CDC7: variants seen among roughly 807,000 people sequenced by gnomAD.
CDC7 encodes cell division cycle 7.
In CDC7, 34 loss-of-function variants were observed where a neutral mutation model predicts 53.5. That is an observed-to-expected ratio of 0.64 (90% CI 0.48 to 0.85). The LOEUF (loss-of-function observed/expected upper bound fraction) is 0.85. Among genes scored for constraint, CDC7 ranks in the 40% least tolerant of loss-of-function variants. The pLI, the probability that CDC7 is intolerant of heterozygous loss-of-function variation, is 0.00. For missense variants in CDC7, 594 were observed against 679.7 expected, an observed-to-expected ratio of 0.87 and a Z score of 1.40; for synonymous variants, 211 against 222.8, an observed-to-expected ratio of 0.95 and a Z score of 0.47.
At position 91,524,592 on chromosome 1, in the gene CDC7, A is replaced by G. The variant is rs1291936517; in HGVS notation, c.*157A>G. ...ACATTCTAAAATATAGATTAAGAAT[A>G]CTTAAAATGCCTGGGATAGTTCTTG... On this transcript the variant is annotated 3_prime_UTR_variant, in exon 12 of 12. Transcript: ENST00000234626. 5 of 608,600 alleles carry G rather than the reference A, an allele frequency of 8.2e-6. No individual in the cohort carries two copies. The highest frequency in any genetic ancestry group is 1.4e-5 in the Non-Finnish European group (5 of 356,990). 37.7% of individuals were successfully genotyped at this position (608,600 alleles called of 1,614,324 possible).
intron 6 of CDC7, 126 bp from the exon 7 acceptor site, chr1:91,512,932 A>G (rs1273958865): frequency 1.3e-6 from 1 of 779,182 alleles, no homozygotes; most frequent in Admixed American, 3.0e-5. Flanking sequence ...TTTTTCCAGA[A>G]TGTTATAAAT....
chr1:91,517,260 T>G lies in CDC7; in HGVS notation c.1180+1384T>G, dbSNP rs190226166. Among the ~76,000 whole-genome samples the G allele has an allele frequency of 2.6e-5, 4 of 152,204 alleles. No homozygotes were observed. In the East Asian group the frequency reaches 7.7e-4, roughly 29 times the overall value. The stretch of plus-strand genomic sequence containing the variant: ...TCATTCTGGCAGGCGTGCAAACAGA[T>G]TAGCTTTTGGAGAGTGGTGGCATGA... On this transcript the variant is annotated intron_variant, in intron 10 of 11. Coordinates refer to ENST00000234626, the MANE Select transcript of CDC7 (RefSeq NM_003503.4).
intron 9 of CDC7, 39 bp from the exon 10 acceptor site, chr1:91,515,755 A>G: frequency 6.2e-7 from 1 of 1,608,936 alleles, no homozygotes; most frequent in Non-Finnish European, 8.5e-7. Context: ...TACATAGTTC[A>G]ACTTTAACAT....
At chr1:91,522,252 A>G (rs1667990902) in intron 11 of CDC7, among the ~76,000 whole-genome samples, 1 of 152,202 alleles carries the variant, frequency 6.6e-6, no homozygotes, top group Admixed American at 6.5e-5. Context: ...TGATCTTACT[A>G]TAACTTTGGA....
chr1:91,514,061 A>C lies in CDC7; in HGVS notation c.918+18A>C. 6.8e-7 allele frequency: 1 copy of C among 1,466,766 alleles called. No homozygotes were observed. Among genetic ancestry groups the C allele is most frequent in the Non-Finnish European group, 9.6e-7 (1 of 1,046,804 alleles). 90.9% of individuals were successfully genotyped at this position (1,466,766 alleles called of 1,614,324 possible). A position where few individuals can be genotyped will look rare whatever the true frequency, so the allele number is the denominator to read the frequency against. ...CAGTGAAAGTAAGTAATGTAGCTTAATAGCATAATGGTCAGTCAGTCATAC... is the reference window on the plus strand; with the variant it reads ...CAGTGAAAGTAAGTAATGTAGCTTACTAGCATAATGGTCAGTCAGTCATAC... On this transcript the variant is annotated intron_variant, in intron 8 of 11. Transcript: ENST00000234626.
intron 4 of CDC7, among the ~76,000 whole-genome samples, chr1:91,508,732 C>T (rs375076767): frequency 7.2e-5 from 11 of 152,170 alleles, no homozygotes; most frequent in African/African-American, 2.2e-4. Flanking sequence ...CAGCTATTGA[C>T]GACCTCATCT....
intron 10 of CDC7, among the ~76,000 whole-genome samples, chr1:91,519,501 C>T (rs1667799092): frequency 6.6e-6 from 1 of 152,034 alleles, no homozygotes; most frequent in African/African-American, 2.4e-5. Flanking sequence ...GGAATGGATA[C>T]CCTGTTTTCC....
In CDC7 at chr1:91,524,161, C is replaced by G. The variant is rs575030666; in HGVS notation, c.1451C>G (p.Ser484Cys). 9 of 1,614,054 alleles carry G rather than the reference C, an allele frequency of 5.6e-6. No individual in the cohort carries two copies. In the South Asian group the frequency reaches 9.9e-5, roughly 18 times the overall value. ...KLTSDIQGHA[S>C]HQPAISEKTD... ...ACAAGTGATATACAAGGGCATGCTT[C>G]TCATCAACCAGCTATTTCAGAGAAG... Residue 484 changes from serine (S) to cysteine (C), a missense_variant, in exon 12 of 12, where the codon TCT becomes TGT. Ser to Cys is a moderately radical substitution (Grantham distance 112). Transcript: ENST00000234626.
At chr1:91,515,042 T>A in intron 9 of CDC7, 45 bp downstream of exon 9, 3 of 1,547,388 alleles carry the variant, frequency 1.9e-6, no homozygotes, top group Non-Finnish European at 2.7e-6. Context: ...CATGCTGCCA[T>A]TAGAAATTGC....
intron 2 of CDC7, among the ~76,000 whole-genome samples, chr1:91,504,912 CAG>C (rs1345644903): frequency 2.0e-5 from 3 of 151,982 alleles, no homozygotes; most frequent in Admixed American, 6.5e-5. Context: ...AACCATAAAA[CAG>C]AAATTAACAC....
chr1:91,523,425 G>A (rs1335529757), intron 11 of CDC7, among the ~76,000 whole-genome samples: 1 of 152,098 alleles, frequency 6.6e-6, no homozygotes, highest in African/African-American at 2.4e-5. Context: ...GGGTTTGGGG[G>A]GTTCAAAGAT....
chr1:91,520,405 T>A, intron 11 of CDC7, 126 bp downstream of exon 11: 2 of 736,800 alleles, frequency 2.7e-6, no homozygotes, highest in Non-Finnish European at 4.1e-6. Flanking sequence ...TCTCTAATAT[T>A]AAGTAGAAAA....
At position 91,511,940 on chromosome 1, in the gene CDC7, A is replaced by C. The variant is rs1270499109; in HGVS notation, c.572+17A>C. 2.0e-6 allele frequency: 3 copies of C among 1,538,022 alleles called. No homozygotes were observed. The South Asian group carries it at 3.7e-5, about 19-fold the overall frequency. On this transcript the variant is annotated intron_variant, in intron 6 of 11. Coordinates refer to ENST00000234626, the MANE Select transcript of CDC7 (RefSeq NM_003503.4). ...CCTGAAAAAGTAAGTATGAAGAGTT[A>C]CTAGAAAATATTTATCCTATTTCTT...
chr1:91,511,075 A>C (rs1456018118), intron 4 of CDC7, among the ~76,000 whole-genome samples: 1 of 152,076 alleles, frequency 6.6e-6, no homozygotes, highest in Admixed American at 6.6e-5. Flanking sequence ...CTGGTTTTAG[A>C]TGCTTCTTTT....
intron 10 of CDC7, among the ~76,000 whole-genome samples, chr1:91,519,734 A>G (rs1254233247): frequency 2.0e-5 from 3 of 152,246 alleles, no homozygotes; most frequent in Non-Finnish European, 4.4e-5. Flanking sequence ...CACTTTGACC[A>G]GTATGGTATG....
At chr1:91,512,778 CTG>C (rs544158009) in intron 6 of CDC7, among the ~76,000 whole-genome samples, 81 of 152,202 alleles carry the variant, frequency 5.3e-4, no homozygotes, top group African/African-American at 1.9e-3. Context: ...GAACAACGGA[CTG>C]TGTTTATGTT....
chr1:91,502,287 C>G (rs1179735488), intron 2 of CDC7, among the ~76,000 whole-genome samples: 1 of 152,126 alleles, frequency 6.6e-6, no homozygotes, highest in African/African-American at 2.4e-5. Context: ...GTTCTTTGAC[C>G]GTAAACCAGA....
intron 4 of CDC7, among the ~76,000 whole-genome samples, chr1:91,510,745 TTTCC>T (rs1390577181): frequency 6.6e-6 from 1 of 152,174 alleles, no homozygotes; most frequent in Non-Finnish European, 1.5e-5. Context: ...TGTGTTATAT[TTTCC>T]TTCCTTCTGT....
chr1:91,514,366 G>A (rs1241477955), intron 8 of CDC7, among the ~76,000 whole-genome samples: 1 of 152,166 alleles, frequency 6.6e-6, no homozygotes, highest in Non-Finnish European at 1.5e-5. Flanking sequence ...ATAGTTGATA[G>A]TGTAAAGATG....
Sources: gnomAD v4.1 joint callset for allele counts (sites outside exome capture counted in the v4.1 genomes callset) on GRCh38, gnomAD v4.1.1 for gene constraint, MANE v1.5 for transcripts, NCBI Gene and HGNC (gene_info 2026-07-23, HGNC 2026-07-21) for gene names.